The following HS6ST3 variants were observed in gnomAD, a reference collection of about 807,000 sequenced individuals.
The protein encoded by HS6ST3 is heparan sulfate 6-O-sulfotransferase 3.
HS6ST3 carries 12 observed loss-of-function variants against 36.7 expected under a neutral mutation model. The observed-to-expected ratio is 0.33, with a 90% confidence interval of 0.21 to 0.53. The LOEUF (loss-of-function observed/expected upper bound fraction) is 0.53. HS6ST3 is among the 20% of genes least tolerant of loss of function. The pLI is 0.95. For synonymous variants in HS6ST3, 240 were observed against 257.5 expected (o/e 0.93, Z 0.65); for missense variants, 584 against 640.9 (o/e 0.91, Z 0.96).
chr13:96,787,953 G>A (rs1272403607), intron 1 of HS6ST3, among the ~76,000 whole-genome samples: 1 of 151,824 alleles, frequency 6.6e-6, no homozygotes, highest in Non-Finnish European at 1.5e-5. Context: ...TTAGGTCAAG[G>A]TTTATTTTTT....
At chr13:96,351,361 G>A (rs913250876) in intron 1 of HS6ST3, among the ~76,000 whole-genome samples, 2 of 143,188 alleles carry the variant, frequency 1.4e-5, no homozygotes, top group African/African-American at 5.7e-5. Context: ...TTGCTGGGTT[G>A]CCCAGGCTGG....
chr13:96,152,483 G>A (rs1309016000), intron 1 of HS6ST3, among the ~76,000 whole-genome samples: 2 of 151,728 alleles, frequency 1.3e-5, no homozygotes, highest in East Asian at 1.9e-4. Context: ...GACTACAGGC[G>A]CCCGCCACCA....
At chr13:96,613,395 A>G (rs1206259822) in intron 1 of HS6ST3, among the ~76,000 whole-genome samples, 1 of 152,126 alleles carries the variant, frequency 6.6e-6, no homozygotes, top group South Asian at 2.1e-4. Flanking sequence ...TGGGACTCAA[A>G]CTTAAGCAGT....
chr13:96,193,331 C>T (rs776574020), intron 1 of HS6ST3, among the ~76,000 whole-genome samples: 13 of 152,134 alleles, frequency 8.5e-5, no homozygotes, highest in African/African-American at 1.4e-4. Context: ...CCATTCCATC[C>T]GCACTTTCAG....
intron 1 of HS6ST3, among the ~76,000 whole-genome samples, chr13:96,364,168 G>A (rs982963126): frequency 4.1e-4 from 62 of 152,196 alleles, no homozygotes; most frequent in African/African-American, 1.4e-3. Context: ...TGAAACCCAT[G>A]TACACTGCTG....
At chr13:96,148,638 T>C (rs1411705457) in intron 1 of HS6ST3, among the ~76,000 whole-genome samples, 1 of 152,190 alleles carries the variant, frequency 6.6e-6, no homozygotes, top group Non-Finnish European at 1.5e-5. Context: ...AAGTCAACTT[T>C]AGTAATTTAA....
chr13:96,591,344 C>G (rs563620293), intron 1 of HS6ST3, among the ~76,000 whole-genome samples: 2 of 151,994 alleles, frequency 1.3e-5, no homozygotes, highest in Admixed American at 6.6e-5. Context: ...GAATATATTT[C>G]CATTTTTGGA....
chr13:96,823,254 A>T (rs1039893954), intron 1 of HS6ST3, among the ~76,000 whole-genome samples: 1 of 152,050 alleles, frequency 6.6e-6, no homozygotes, highest in Non-Finnish European at 1.5e-5. Flanking sequence ...TAGGAATTCT[A>T]CTCCTAGGAA....
intron 1 of HS6ST3, among the ~76,000 whole-genome samples, chr13:96,698,258 A>C (rs147017871): frequency 0.012 from 1,856 of 151,882 alleles, 34 homozygotes; most frequent in African/African-American, 0.043. Flanking sequence ...ATGTGTTCTC[A>C]TTGTTCAATT....
At chr13:96,146,064 G>A (rs1179169296) in intron 1 of HS6ST3, among the ~76,000 whole-genome samples, 3 of 152,196 alleles carry the variant, frequency 2.0e-5, no homozygotes, top group Non-Finnish European at 2.9e-5. Flanking sequence ...TAGGCTTGTA[G>A]TATAGTTTGA....
At chr13:96,812,137 TG>T (rs757095196) in intron 1 of HS6ST3, among the ~76,000 whole-genome samples, 5 of 152,134 alleles carry the variant, frequency 3.3e-5, no homozygotes, top group Non-Finnish European at 7.3e-5. Flanking sequence ...TTTCCTCCAT[TG>T]CCTCAATCTG....
intron 1 of HS6ST3, among the ~76,000 whole-genome samples, chr13:96,326,807 T>G (rs1190205711): frequency 6.6e-6 from 1 of 151,638 alleles, no homozygotes; most frequent in Admixed American, 6.6e-5. Flanking sequence ...AGTGTAAAAG[T>G]GTTCCTATTT....
At chr13:96,400,925 G>C (rs1313736616) in intron 1 of HS6ST3, among the ~76,000 whole-genome samples, 1 of 151,990 alleles carries the variant, frequency 6.6e-6, no homozygotes, top group Non-Finnish European at 1.5e-5. Flanking sequence ...TTAATATAAG[G>C]GAGATAGAAA....
chr13:96,310,753 C>T (rs547998297), intron 1 of HS6ST3, among the ~76,000 whole-genome samples: 12 of 152,098 alleles, frequency 7.9e-5, no homozygotes, highest in Non-Finnish European at 1.8e-4. Flanking sequence ...ATACTGCATC[C>T]ACGTACTCCT....
At chr13:96,390,409 G>T (rs1356660986) in intron 1 of HS6ST3, among the ~76,000 whole-genome samples, 1 of 152,086 alleles carries the variant, frequency 6.6e-6, no homozygotes, top group Admixed American at 6.6e-5. Context: ...GTGCTGCTTT[G>T]TCTCCTTCTG....
chr13:96,501,716 C>G (rs1220890968), intron 1 of HS6ST3, among the ~76,000 whole-genome samples: 1 of 152,206 alleles, frequency 6.6e-6, no homozygotes, highest in East Asian at 1.9e-4. Context: ...TATTGATCTT[C>G]TAATTTACCT....
chr13:96,090,733 G>C lies in HS6ST3; in HGVS notation c.-130G>C. On this transcript the variant is annotated 5_prime_UTR_variant, in exon 1 of 2. Coordinates refer to ENST00000376705, the MANE Select transcript of HS6ST3 (RefSeq NM_153456.4). ...GGGCCGCCAGCCAGCCACACGCCTC[G>C]GCGTCAGGGGCATGGAGGAACGGCG... The C allele has an allele frequency of 1.8e-6, 1 of 561,584 alleles. No individual in the cohort carries two copies. 34.8% of individuals were successfully genotyped at this position (561,584 alleles called of 1,614,324 possible).
At chr13:96,328,272 A>G (rs897271423) in intron 1 of HS6ST3, among the ~76,000 whole-genome samples, 3 of 149,168 alleles carry the variant, frequency 2.0e-5, no homozygotes, top group Non-Finnish European at 4.5e-5. Context: ...TTTCAAAGGG[A>G]ATGCTTCTAG....
intron 1 of HS6ST3, among the ~76,000 whole-genome samples, chr13:96,130,190 T>C (rs1418782068): frequency 6.6e-6 from 1 of 152,220 alleles, no homozygotes; most frequent in Non-Finnish European, 1.5e-5. Flanking sequence ...CAAACTTTAC[T>C]TGGTAGGGAA....
Sources: allele counts gnomAD v4.1 joint callset (sites outside exome capture counted in the v4.1 genomes callset), GRCh38; gene constraint gnomAD v4.1.1; transcripts MANE v1.5; gene names NCBI Gene and HGNC (gene_info 2026-07-23, HGNC 2026-07-21).